The following HDAC4 variants were observed in gnomAD, a reference collection of about 807,000 sequenced individuals.
HDAC4 encodes the protein histone deacetylase A.
A neutral mutation model predicts 135.1 loss-of-function variants in HDAC4; 16 were observed. The observed-to-expected ratio is 0.12, with a 90% CI of 0.08 to 0.18. The LOEUF (loss-of-function observed/expected upper bound fraction) is 0.18, where lower values mean the gene tolerates loss of function less well. HDAC4 is among the 10% of genes least tolerant of loss of function. HDAC4 has a pLI of 1.00. For missense variants in HDAC4, 1,143 were observed against 1,511.8 expected, an observed-to-expected ratio of 0.76 and a Z score of 4.05; for synonymous variants, 685 against 653.4, an observed-to-expected ratio of 1.05 and a Z score of -0.74.
chr2:239,146,329 G>A lies in HDAC4; in HGVS notation c.734-1615C>T, dbSNP rs2041758544. ...CCAGATCTCCACTGAAACCCACATGGGCTCTGCAGGGATTCCCCGGGCCTG... is the reference window on the plus strand; with the variant it reads ...CCAGATCTCCACTGAAACCCACATGAGCTCTGCAGGGATTCCCCGGGCCTG... On this transcript the variant is annotated intron_variant, in intron 7 of 26. Coordinates refer to ENST00000543185, the MANE Select transcript of HDAC4 (RefSeq NM_001378414.1). The surrounding 1 kb of genome is among the most constrained non-coding windows in gnomAD (Gnocchi z 4.5). Among the ~76,000 whole-genome samples, 1 of 152,222 alleles carries A rather than the reference G, an allele frequency of 6.6e-6. No homozygotes were observed. The highest frequency in any genetic ancestry group is 2.1e-4 in the South Asian group (1 of 4,834).
chr2:239,089,654 A>T (rs1346503442), intron 18 of HDAC4: 2 of 195,496 alleles, frequency 1.0e-5, no homozygotes, highest in East Asian at 1.3e-4. Flanking sequence ...AAACATTTTG[A>T]AAATTTCTCA....
At chr2:239,386,401 C>T (rs779381802) in intron 1 of HDAC4, among the ~76,000 whole-genome samples, 6 of 152,112 alleles carry the variant, frequency 3.9e-5, no homozygotes, top group Non-Finnish European at 8.8e-5. Flanking sequence ...GTCCCAACCA[C>T]GGGAGGAACC....
chr2:239,241,775 A>G (rs2153191518), intron 2 of HDAC4, among the ~76,000 whole-genome samples: 2 of 152,308 alleles, frequency 1.3e-5, no homozygotes, highest in Middle Eastern at 3.4e-3. Context: ...TCCTATGATA[A>G]CAGCCAAATG....
intron 15 of HDAC4, among the ~76,000 whole-genome samples, chr2:239,103,783 C>T (rs2037871497): frequency 1.3e-5 from 2 of 152,264 alleles, no homozygotes; most frequent in Non-Finnish European, 2.9e-5. Context: ...TCTATGCCAG[C>T]CCAGCACCTG....
intron 2 of HDAC4, among the ~76,000 whole-genome samples, chr2:239,279,362 C>T (rs966983991): frequency 3.3e-5 from 5 of 152,212 alleles, no homozygotes; most frequent in Admixed American, 1.3e-4. Context: ...ACACTTGATC[C>T]CCTCAGCCTT....
chr2:239,228,151 C>T (rs1365997335), intron 3 of HDAC4, among the ~76,000 whole-genome samples: 1 of 152,224 alleles, frequency 6.6e-6, no homozygotes, highest in Non-Finnish European at 1.5e-5. Flanking sequence ...ACACAGACCC[C>T]TCCTGTGTGC....
At chr2:239,265,233 C>T (rs1356164038) in intron 2 of HDAC4, among the ~76,000 whole-genome samples, 1 of 152,208 alleles carries the variant, frequency 6.6e-6, no homozygotes, top group East Asian at 1.9e-4. Context: ...CCAGCACACT[C>T]AGGAAAAATC....
At chr2:239,149,056 A>T (rs868193185) in intron 7 of HDAC4, among the ~76,000 whole-genome samples, 1 of 152,204 alleles carries the variant, frequency 6.6e-6, no homozygotes, top group Admixed American at 6.5e-5. Flanking sequence ...TCCTATCATG[A>T]ACATCATGGG....
At chr2:239,148,425 T>G (rs2041902643) in intron 7 of HDAC4, among the ~76,000 whole-genome samples, 1 of 152,162 alleles carries the variant, frequency 6.6e-6, no homozygotes, top group Non-Finnish European at 1.5e-5. Context: ...ATTCCAGGCC[T>G]ACTTGTCCAG....
intron 3 of HDAC4, among the ~76,000 whole-genome samples, chr2:239,195,815 A>G (rs568899122): frequency 6.6e-6 from 1 of 152,380 alleles, no homozygotes; most frequent in Non-Finnish European, 1.5e-5. Context: ...CAAAGGCCGC[A>G]TTCAGAGTCC....
At chr2:239,204,207 G>A (rs1304396233) in intron 3 of HDAC4, among the ~76,000 whole-genome samples, 8 of 152,166 alleles carry the variant, frequency 5.3e-5, no homozygotes, top group Admixed American at 1.3e-4. Context: ...CCTGCTGGCC[G>A]GCCGTGTCCC....
chr2:239,197,067 T>C (rs2045437887), intron 3 of HDAC4, among the ~76,000 whole-genome samples: 1 of 152,182 alleles, frequency 6.6e-6, no homozygotes, highest in Admixed American at 6.5e-5. Flanking sequence ...GCTTCCTTTG[T>C]CCCAGCCATC....
At chr2:239,074,062 A>AGCAGGACTGAGGGGGCC (rs2034488378) in intron 22 of HDAC4, among the ~76,000 whole-genome samples, 1 of 142,856 alleles carries the variant, frequency 7.0e-6, no homozygotes, top group African/African-American at 2.6e-5. Context: ...TGAGTGGGGA[A>AGCAGGACTGAGGGGGCC]GCAGGACTGA....
At chr2:239,278,575 C>T (rs1376481250) in intron 2 of HDAC4, among the ~76,000 whole-genome samples, 3 of 152,016 alleles carry the variant, frequency 2.0e-5, no homozygotes, top group African/African-American at 4.8e-5. Flanking sequence ...CTCAGAAGGC[C>T]GCAGCAGGAT....
At chr2:239,225,425 C>T (rs1180832202) in intron 3 of HDAC4, among the ~76,000 whole-genome samples, 2 of 152,278 alleles carry the variant, frequency 1.3e-5, no homozygotes, top group African/African-American at 4.8e-5. Context: ...ACAGAGAACA[C>T]ACCCACAAGA....
chr2:239,162,253 C>T (rs765925211), intron 6 of HDAC4: 7 of 456,010 alleles, frequency 1.5e-5, no homozygotes, highest in South Asian at 1.1e-4. Flanking sequence ...GCTCGGCTGC[C>T]TCACAGGGGG....
At position 239,156,711 on chromosome 2, in the gene HDAC4, T is replaced by C. The variant is rs750123664; in HGVS notation, c.674A>G (p.Tyr225Cys). The C allele has an allele frequency of 2.0e-5, 32 of 1,613,982 alleles. No homozygotes were observed. The South Asian group carries it at 2.6e-4, about 13-fold the overall frequency. ...SPPQSGVSTS[Y>C]NHPVLGMYDA... ...GTACATTCCCAGGACCGGGTGGTTATAGGAGGTCGACACTCCGCTCTGGGG... is the reference window on the plus strand; with the variant it reads ...GTACATTCCCAGGACCGGGTGGTTACAGGAGGTCGACACTCCGCTCTGGGG... Residue 225 changes from tyrosine (Y) to cysteine (C), a missense_variant, in exon 7 of 27, where the codon TAT becomes TGT. Transcript: ENST00000543185.
chr2:239,236,833 A>AACAAAATCAAAGATCCTT (rs3842554), intron 2 of HDAC4, among the ~76,000 whole-genome samples, 169 bp from the exon 3 acceptor site: 217 of 152,132 alleles, frequency 1.4e-3, no homozygotes, highest in African/African-American at 5.2e-3. Context: ...GTATTTGCCA[A>AACAAAATCAAAGATCCTT]TGTAGAATAA....
chr2:239,247,833 G>A (rs974974730), intron 2 of HDAC4, among the ~76,000 whole-genome samples: 3 of 152,220 alleles, frequency 2.0e-5, no homozygotes, highest in South Asian at 2.1e-4. Context: ...TCCCTGGAGC[G>A]AGGTGGAGAA....
Sources: gnomAD v4.1 joint callset for allele counts (sites outside exome capture counted in the v4.1 genomes callset) on GRCh38, gnomAD v4.1.1 for gene constraint, Gnocchi (gnomAD v3.1) non-coding constraint, MANE v1.5 for transcripts, NCBI Gene and HGNC (gene_info 2026-07-23, HGNC 2026-07-21) for gene names.